EXOC4: variants seen among roughly 807,000 people sequenced by gnomAD.
The protein encoded by EXOC4 is SEC8-like 1.
Under a neutral mutation model 107.2 loss-of-function variants are expected in EXOC4, and 71 were observed. That is an observed-to-expected ratio of 0.66 (90% confidence interval 0.55 to 0.81). EXOC4 has a LOEUF of 0.81. Among genes scored for constraint, EXOC4 ranks in the 30% least tolerant of loss-of-function variants. EXOC4 has a pLI of 0.00. For synonymous variants in EXOC4, 456 were observed against 441.2 expected (o/e 1.03, Z -0.42); for missense variants, 1,108 against 1,189.6 (o/e 0.93, Z 1.01).
intron 10 of EXOC4, among the ~76,000 whole-genome samples, chr7:133,758,361 AT>A (rs1795961557): frequency 6.6e-6 from 1 of 152,154 alleles, no homozygotes; most frequent in African/African-American, 2.4e-5. Context: ...GTGGTGTCGA[AT>A]TCCAGACCGC....
intron 11 of EXOC4, among the ~76,000 whole-genome samples, chr7:133,819,752 GA>G (rs147297638): frequency 0.12 from 17,841 of 151,420 alleles, 1,161 homozygotes; most frequent in Middle Eastern, 0.15. Context: ...AATTTAAAAG[GA>G]AAAAAAAGGC....
chr7:134,014,783 C>T lies in EXOC4; in HGVS notation c.2687+6948C>T, dbSNP rs1021879490. Among the ~76,000 whole-genome samples, 36 of 150,872 alleles carry T rather than the reference C, an allele frequency of 2.4e-4. 1 individual carries two copies. Among genetic ancestry groups the T allele is most frequent in the African/African-American group, 6.8e-4 (28 of 40,922 alleles). On this transcript the variant is annotated intron_variant, in intron 17 of 17. Transcript: ENST00000253861. Reference sequence around the variant, plus strand: ...ATTATATGGTATATGAATTATATCTCGATGAAGGAGTTTAAAAAAAAAAGA... The same window carrying T: ...ATTATATGGTATATGAATTATATCTTGATGAAGGAGTTTAAAAAAAAAAGA...
intron 17 of EXOC4, among the ~76,000 whole-genome samples, chr7:134,039,037 A>G (rs1186996517): frequency 1.3e-5 from 2 of 152,312 alleles, no homozygotes; most frequent in Admixed American, 6.5e-5. Flanking sequence ...GGGAACATGG[A>G]AAGGTCCACT....
chr7:133,406,586 C>A (rs1237262658), intron 7 of EXOC4, among the ~76,000 whole-genome samples: 1 of 152,038 alleles, frequency 6.6e-6, no homozygotes, highest in African/African-American at 2.4e-5. Flanking sequence ...TCCTTGCTAT[C>A]TTGATGAAAT....
chr7:133,687,780 A>G (rs1339164605), intron 10 of EXOC4, among the ~76,000 whole-genome samples: 1 of 152,116 alleles, frequency 6.6e-6, no homozygotes, highest in Admixed American at 6.5e-5. Context: ...CTAACTAGTT[A>G]TATTCTTCAA....
At chr7:133,453,823 ATTATATG>A (rs1194669930) in intron 7 of EXOC4, among the ~76,000 whole-genome samples, 1 of 152,128 alleles carries the variant, frequency 6.6e-6, no homozygotes, top group Non-Finnish European at 1.5e-5. Context: ...ACAGTTCAGA[ATTATATG>A]TTATATGTTA....
chr7:133,842,185 G>A (rs554702976), intron 11 of EXOC4, among the ~76,000 whole-genome samples: 1 of 152,184 alleles, frequency 6.6e-6, no homozygotes, highest in East Asian at 1.9e-4. Context: ...GGGACTGCTG[G>A]GTCAAATGGT....
chr7:133,879,310 G>C (rs925396093), intron 11 of EXOC4, among the ~76,000 whole-genome samples: 2 of 151,892 alleles, frequency 1.3e-5, no homozygotes, highest in Non-Finnish European at 2.9e-5. Flanking sequence ...GCCTAGGCTG[G>C]TCTCAAACTC....
At chr7:134,038,959 A>G (rs1368795771) in intron 17 of EXOC4, among the ~76,000 whole-genome samples, 1 of 152,238 alleles carries the variant, frequency 6.6e-6, no homozygotes, top group Non-Finnish European at 1.5e-5. Context: ...GTGTGTCTAC[A>G]TGGTAAATCC....
intron 7 of EXOC4, among the ~76,000 whole-genome samples, chr7:133,379,871 G>T (rs1297226320): frequency 6.6e-6 from 1 of 152,114 alleles, no homozygotes; most frequent in African/African-American, 2.4e-5. Flanking sequence ...TAATAAAGAT[G>T]ATTGTAATGA....
At chr7:133,620,355 A>C (rs1394444009) in intron 9 of EXOC4, among the ~76,000 whole-genome samples, 1 of 152,112 alleles carries the variant, frequency 6.6e-6, no homozygotes, top group Non-Finnish European at 1.5e-5. Context: ...AGTTACTTAA[A>C]AACAAAAAAC....
At chr7:134,040,923 A>G (rs1438073495) in intron 17 of EXOC4, among the ~76,000 whole-genome samples, 2 of 152,182 alleles carry the variant, frequency 1.3e-5, no homozygotes, top group Non-Finnish European at 2.9e-5. Context: ...AATATTTAAT[A>G]TAGCTTCCCA....
chr7:133,641,015 A>T (rs573239550), intron 10 of EXOC4, among the ~76,000 whole-genome samples: 3 of 152,126 alleles, frequency 2.0e-5, no homozygotes, highest in Non-Finnish European at 4.4e-5. Context: ...GCGTAAGTCA[A>T]TGTTCTTAAG....
At chr7:133,639,804 T>C (rs1046215683) in intron 10 of EXOC4, among the ~76,000 whole-genome samples, 3 of 152,242 alleles carry the variant, frequency 2.0e-5, no homozygotes, top group East Asian at 3.9e-4. Flanking sequence ...CAATTGCTAT[T>C]TTTAAACTCG....
chr7:133,576,260 A>G (rs1450163994), intron 9 of EXOC4, among the ~76,000 whole-genome samples: 1 of 152,166 alleles, frequency 6.6e-6, no homozygotes, highest in Admixed American at 6.5e-5. Flanking sequence ...AGACTTGTTA[A>G]AAGATTTATT....
intron 7 of EXOC4, among the ~76,000 whole-genome samples, chr7:133,434,926 A>G (rs1421874985): frequency 6.6e-6 from 1 of 152,190 alleles, no homozygotes; most frequent in Non-Finnish European, 1.5e-5. Context: ...TATTCTCTTT[A>G]AAAAGAAGAC....
intron 15 of EXOC4, among the ~76,000 whole-genome samples, chr7:134,002,417 A>G (rs976584728): frequency 1.3e-5 from 2 of 152,188 alleles, no homozygotes; most frequent in African/African-American, 4.8e-5. Flanking sequence ...TTTTTAGGCA[A>G]AGACTTCTGA....
chr7:134,055,715 T>G (rs765595566), intron 17 of EXOC4, among the ~76,000 whole-genome samples: 2 of 152,236 alleles, frequency 1.3e-5, no homozygotes, highest in Non-Finnish European at 2.9e-5. Flanking sequence ...GCCTTTCTTA[T>G]GTACCAGGAG....
chr7:134,051,985 CAAT>C (rs1351620581), intron 17 of EXOC4, among the ~76,000 whole-genome samples: 1 of 110,112 alleles, frequency 9.1e-6, no homozygotes, highest in Non-Finnish European at 1.8e-5. Context: ...GACTCCATCT[CAAT>C]AAAAAAGAAA....
Sources: allele counts gnomAD v4.1 joint callset (sites outside exome capture counted in the v4.1 genomes callset), GRCh38; gene constraint gnomAD v4.1.1; transcripts MANE v1.5; gene names NCBI Gene and HGNC (gene_info 2026-07-23, HGNC 2026-07-21).